The following EPB41L4A variants were observed in gnomAD, a reference collection of about 807,000 sequenced individuals.
EPB41L4A encodes the protein erythrocyte membrane protein band 4.1 like 4A.
In EPB41L4A, 100 loss-of-function variants were observed where a neutral mutation model predicts 108.6. That is an observed-to-expected ratio of 0.92 (90% CI 0.78 to 1.09). The LOEUF (loss-of-function observed/expected upper bound fraction) is 1.09. Among genes scored for constraint, EPB41L4A ranks in the 50% least tolerant of loss-of-function variants. The pLI is 0.00. For missense variants in EPB41L4A, 1,030 were observed against 842.7 expected (o/e 1.22, Z -2.75); for synonymous variants, 319 against 289.0 (o/e 1.10, Z -1.05).
intron 9 of EPB41L4A, chr5:112,249,716 A>G (rs956347773): frequency 6.6e-6 from 1 of 152,216 alleles, no homozygotes; most frequent in African/African-American, 2.4e-5. Context: ...TGAATAAAAC[A>G]TGATCTTATT....
chr5:112,394,374 C>T lies in EPB41L4A; in HGVS notation c.99+24567G>A, dbSNP rs989156892. 3.9e-5 allele frequency among the ~76,000 whole-genome samples: 6 copies of T among 152,246 alleles called. 1 individual carries two copies. The East Asian group carries it at 9.7e-4, about 25-fold the overall frequency. On this transcript the variant is annotated intron_variant, in intron 1 of 22. Coordinates refer to ENST00000261486, the MANE Select transcript of EPB41L4A (RefSeq NM_022140.5). ...TCGGCCCAAAATCTCCTCAAGCTGA[C>T]AAGCAACTTCAGCAAAGTCTCAGGA... is the stretch of plus-strand genomic sequence containing the variant.
intron 1 of EPB41L4A, among the ~76,000 whole-genome samples, chr5:112,352,101 G>C (rs941148826): frequency 5.9e-5 from 9 of 152,026 alleles, no homozygotes; most frequent in African/African-American, 2.2e-4. Context: ...TCATTTCATT[G>C]GTCCTTGTAT....
Position 112,262,524 on chromosome 5 carries a change from C to T in EPB41L4A, c.612G>A (p.Glu204=). 1 of 1,614,084 alleles carries T rather than the reference C, an allele frequency of 6.2e-7. No individual in the cohort carries two copies. The highest frequency in any genetic ancestry group is 1.1e-5 in the South Asian group (1 of 91,078). ...LNYLRTAKSL[E]MYGVDLHPVY... is the part of the protein sequence containing the mutation. The stretch of plus-strand genomic sequence containing the variant: ...CGGGATGGAGGTCAACGCCATACAT[C>T]TCCAGGGATTTGGCAGTCCTCAAGT... The change falls in exon 7 of 23, where the codon GAG becomes GAA. Residue 204 remains glutamate, a synonymous_variant. Coordinates refer to ENST00000261486, the MANE Select transcript of EPB41L4A (RefSeq NM_022140.5).
At chr5:112,198,277 C>A (rs1458337774) in intron 15 of EPB41L4A, among the ~76,000 whole-genome samples, 1 of 152,108 alleles carries the variant, frequency 6.6e-6, no homozygotes, top group Non-Finnish European at 1.5e-5. Context: ...AGGTGATCGG[C>A]CCACCTCGGC....
intron 12 of EPB41L4A, among the ~76,000 whole-genome samples, chr5:112,227,044 C>T (rs761967861): frequency 5.3e-5 from 8 of 150,176 alleles, no homozygotes; most frequent in South Asian, 4.2e-4. Context: ...GTAAGAAAGA[C>T]ACTTCCTAAC....
intron 1 of EPB41L4A, among the ~76,000 whole-genome samples, chr5:112,375,452 T>C (rs1277941021): frequency 3.3e-5 from 5 of 151,110 alleles, no homozygotes; most frequent in Non-Finnish European, 5.9e-5. Flanking sequence ...CTGGTTTCAA[T>C]GAAAAAAATC....
chr5:112,403,592 C>T (rs1428918093), intron 1 of EPB41L4A, among the ~76,000 whole-genome samples: 1 of 152,126 alleles, frequency 6.6e-6, no homozygotes, highest in African/African-American at 2.4e-5. Context: ...CCTCAGCCTA[C>T]AGAGTAGCTA....
chr5:112,142,454 T>A (rs1393626944), exon 14 of EPB41L4A: 1 of 152,218 alleles, frequency 6.6e-6, no homozygotes, highest in Non-Finnish European at 1.5e-5. Flanking sequence ...AATATGAACT[T>A]CATTTTATTG....
In EPB41L4A at chr5:112,418,949, C is replaced by T. The variant is rs1580874450; in HGVS notation, c.91G>A (p.Gly31Ser). 1.2e-6 allele frequency: 2 copies of T among 1,612,930 alleles called. No homozygotes were observed. Among genetic ancestry groups the T allele is most frequent in the Middle Eastern group, 1.7e-4 (1 of 6,050 alleles). The change falls in exon 1 of 23, where the codon GGC becomes AGC. Residue 31 changes from glycine (G) to serine (S), a missense_variant. By Grantham distance (56) the Gly-to-Ser change is moderately conservative. Coordinates refer to ENST00000261486, the MANE Select transcript of EPB41L4A (RefSeq NM_022140.5). Reference protein sequence around the residue: ...SKLTLTTQQQGIKKSTKGSVV... With the variant: ...SKLTLTTQQQSIKKSTKGSVV... ...CTCCGGGCCGCACCCACCTTGATGC[C>T]CTGCTGCTGGGTGGTAAGGGTTAAC...
intron 1 of EPB41L4A, among the ~76,000 whole-genome samples, chr5:112,352,791 T>TA (rs767539456): frequency 6.6e-6 from 1 of 152,238 alleles, no homozygotes; most frequent in Non-Finnish European, 1.5e-5. Context: ...TCAATATCAC[T>TA]ACATTGAATA....
At chr5:112,313,585 C>T (rs1755186501) in intron 1 of EPB41L4A, among the ~76,000 whole-genome samples, 1 of 152,018 alleles carries the variant, frequency 6.6e-6, no homozygotes, top group African/African-American at 2.4e-5. Context: ...AGCGAGATTC[C>T]ATCTCAAAAA....
chr5:112,269,390 T>G (rs990833255), intron 4 of EPB41L4A, among the ~76,000 whole-genome samples: 2 of 152,192 alleles, frequency 1.3e-5, no homozygotes, highest in African/African-American at 4.8e-5. Flanking sequence ...TTTCATATGT[T>G]AAACATTTTA....
intron 18 of EPB41L4A, among the ~76,000 whole-genome samples, chr5:112,183,083 C>G (rs1259530622): frequency 6.6e-6 from 1 of 152,118 alleles, no homozygotes; most frequent in Non-Finnish European, 1.5e-5. Flanking sequence ...TAGTGTCCCA[C>G]AGTAAAAAGA....
intron 11 of EPB41L4A, among the ~76,000 whole-genome samples, chr5:112,239,253 C>G (rs1749595711): frequency 6.6e-6 from 1 of 152,138 alleles, no homozygotes; most frequent in Non-Finnish European, 1.5e-5. Context: ...GCAGAAAAAA[C>G]AAGGTTTGAT....
intron 3 of EPB41L4A, among the ~76,000 whole-genome samples, chr5:112,277,678 G>C (rs1049131098): frequency 6.6e-6 from 1 of 152,094 alleles, no homozygotes; most frequent in Non-Finnish European, 1.5e-5. Context: ...CAGCTTCTCA[G>C]GGAAATACAA....
At chr5:112,192,220 G>C (rs1374765793) in intron 17 of EPB41L4A, 1 of 152,356 alleles carries the variant, frequency 6.6e-6, no homozygotes, top group Non-Finnish European at 1.5e-5. Flanking sequence ...CAGCATAGCA[G>C]GTAAGTGGCA....
intron 1 of EPB41L4A, among the ~76,000 whole-genome samples, chr5:112,339,678 C>A (rs1019049403): frequency 6.6e-6 from 1 of 151,600 alleles, no homozygotes; most frequent in African/African-American, 2.4e-5. Context: ...GGATTACAGG[C>A]ACACGTCACC....
intron 1 of EPB41L4A, chr5:112,363,459 CTT>C (rs1166920514): frequency 6.6e-6 from 1 of 151,218 alleles, no homozygotes; most frequent in African/African-American, 2.4e-5. Flanking sequence ...GGATAGGTAT[CTT>C]GTTTTCACCT....
Position 112,334,322 on chromosome 5 carries a change from T to C in EPB41L4A, c.100-26832A>G, listed in dbSNP as rs556670599. Among the ~76,000 whole-genome samples, 3 of 152,290 alleles carry C rather than the reference T, an allele frequency of 2.0e-5. No individual in the cohort carries two copies. In the East Asian group the frequency reaches 5.8e-4, roughly 29 times the overall value. ...AATGGCCCTGCAAAGCTGTCTCTTG[T>C]GGGGGAAATTTACATTCTGTGTAGA... On this transcript the variant is annotated intron_variant, in intron 1 of 22. Transcript: ENST00000261486.
Sources: allele counts gnomAD v4.1 joint callset (sites outside exome capture counted in the v4.1 genomes callset), GRCh38; gene constraint gnomAD v4.1.1; transcripts MANE v1.5; gene names NCBI Gene and HGNC (gene_info 2026-07-23, HGNC 2026-07-21).